NRG1: variants seen among roughly 807,000 people sequenced by gnomAD.
NRG1 encodes the protein pro-neuregulin-1, membrane-bound isoform.
Under a neutral mutation model 63.8 loss-of-function variants are expected in NRG1, and 18 were observed. The observed-to-expected ratio is 0.28, with a 90% CI of 0.19 to 0.42. NRG1 has a LOEUF of 0.42. NRG1 is among the 10% of genes least tolerant of loss of function. The pLI is 1.00. For synonymous variants in NRG1, 302 were observed against 301.3 expected (o/e 1.00, Z -0.02); for missense variants, 762 against 814.7 (o/e 0.94, Z 0.79).
chr8:31,954,806 A>G (rs1177857527), intron 1 of NRG1, among the ~76,000 whole-genome samples: 1 of 152,202 alleles, frequency 6.6e-6, no homozygotes, highest in Non-Finnish European at 1.5e-5. Context: ...GATTTCCCCT[A>G]GAGATCTGTC....
chr8:32,585,842 C>T (rs1347275900), intron 1 of NRG1, among the ~76,000 whole-genome samples: 1 of 152,088 alleles, frequency 6.6e-6, no homozygotes, highest in African/African-American at 2.4e-5. Flanking sequence ...AATATGGACC[C>T]TATTGATAGA....
chr8:31,671,592 A>G (rs902936592), intron 1 of NRG1, among the ~76,000 whole-genome samples: 1 of 152,198 alleles, frequency 6.6e-6, no homozygotes, highest in Non-Finnish European at 1.5e-5. Context: ...AAGACAGAGG[A>G]GAGGCAAACA....
chr8:31,696,563 A>T (rs557974957), intron 1 of NRG1, among the ~76,000 whole-genome samples: 1 of 152,344 alleles, frequency 6.6e-6, no homozygotes, highest in African/African-American at 2.4e-5. Context: ...GGGGAGAAAG[A>T]GGGATGGACC....
intron 5 of NRG1, among the ~76,000 whole-genome samples, chr8:32,655,920 TTGGC>T: frequency 6.6e-6 from 1 of 152,168 alleles, no homozygotes; most frequent in Admixed American, 6.6e-5. Context: ...GGGGAAGAAC[TTGGC>T]TAGAAATACC....
chr8:32,054,859 CTTTCTTTTTTTTTT>C lies in NRG1; in HGVS notation c.37+415432_37+415445del, dbSNP rs1166812073. On this transcript the variant is annotated intron_variant, in intron 1 of 10. Transcript: ENST00000519301. ...TTTCCCTTGAAAAGCAGATTTCTTT[CTTTCTTTTTTTTTT>C]TTTTTTTTTTTTTTTTTTTTTTTTT... Among the ~76,000 whole-genome samples, 137 of 70,626 alleles carry C rather than the reference CTTTCTTTTTTTTTT, an allele frequency of 1.9e-3. 7 individuals are homozygous for C. The highest frequency in any genetic ancestry group is 7.3e-3 in the African/African-American group (130 of 17,870). 46.3% of individuals were successfully genotyped at this position (70,626 alleles called of 152,430 possible).
intron 2 of NRG1, among the ~76,000 whole-genome samples, chr8:32,596,950 TG>T (rs1843469051): frequency 6.6e-6 from 1 of 152,162 alleles, no homozygotes; most frequent in Admixed American, 6.5e-5. Flanking sequence ...TGTAACATCT[TG>T]GTGGATGCAT....
intron 7 of NRG1, among the ~76,000 whole-genome samples, chr8:32,751,707 A>G (rs1185327284): frequency 6.6e-6 from 1 of 152,142 alleles, no homozygotes; most frequent in Non-Finnish European, 1.5e-5. Context: ...AGCTCATTCT[A>G]GTGCTGTTAC....
chr8:32,139,729 C>T (rs969643989), intron 1 of NRG1, among the ~76,000 whole-genome samples: 3 of 151,828 alleles, frequency 2.0e-5, no homozygotes, highest in East Asian at 1.9e-4. Flanking sequence ...CCCACGTAAC[C>T]GAAAACAACC....
chr8:32,590,466 A>G (rs1842333169), intron 1 of NRG1, among the ~76,000 whole-genome samples: 1 of 152,196 alleles, frequency 6.6e-6, no homozygotes, highest in Admixed American at 6.6e-5. Flanking sequence ...CTTAGCCTTG[A>G]GCTTGCCTTC....
intron 1 of NRG1, among the ~76,000 whole-genome samples, chr8:32,095,914 G>A (rs1829846143): frequency 6.6e-6 from 1 of 152,194 alleles, no homozygotes; most frequent in African/African-American, 2.4e-5. Context: ...AGAAGGTAAT[G>A]TGATAGAAAG....
intron 1 of NRG1, among the ~76,000 whole-genome samples, chr8:32,071,271 A>G (rs1039574665): frequency 3.3e-5 from 5 of 152,350 alleles, no homozygotes; most frequent in African/African-American, 1.2e-4. Flanking sequence ...ATCTTTGTAA[A>G]TAAATGATAT....
chr8:32,485,286 A>G (rs1337569223), intron 1 of NRG1, among the ~76,000 whole-genome samples: 1 of 152,022 alleles, frequency 6.6e-6, no homozygotes, highest in South Asian at 2.1e-4. Flanking sequence ...TTGTCTTTTC[A>G]GTAGAGATGG....
chr8:32,218,471 A>G (rs1176160832), intron 1 of NRG1, among the ~76,000 whole-genome samples: 2 of 152,178 alleles, frequency 1.3e-5, no homozygotes, highest in African/African-American at 4.8e-5. Flanking sequence ...TCTTTGCTCA[A>G]TTAAAGTCTG....
chr8:31,648,124 CTTTTTTTTT>C (rs36074483), intron 1 of NRG1, among the ~76,000 whole-genome samples: 25 of 51,308 alleles, frequency 4.9e-4, no homozygotes, highest in Admixed American at 1.5e-3. Context: ...TTTGACTACT[CTTTTTTTTT>C]TTTTTTTTTT....
chr8:32,380,823 T>C (rs1810255521), intron 1 of NRG1, among the ~76,000 whole-genome samples: 1 of 152,232 alleles, frequency 6.6e-6, no homozygotes, highest in African/African-American at 2.4e-5. Context: ...CATGTGATAA[T>C]TTAAGACATT....
chr8:31,742,970 C>T (rs1815451192), intron 1 of NRG1, among the ~76,000 whole-genome samples: 1 of 151,426 alleles, frequency 6.6e-6, no homozygotes, highest in African/African-American at 2.4e-5. Flanking sequence ...ATTTTTTTTT[C>T]AATAGCTAGC....
At chr8:32,181,076 A>G (rs186954231) in intron 1 of NRG1, among the ~76,000 whole-genome samples, 5 of 152,280 alleles carry the variant, frequency 3.3e-5, no homozygotes, top group African/African-American at 9.6e-5. Flanking sequence ...TTTGGTGCCT[A>G]CATTCAAACT....
chr8:31,975,039 T>C (rs1288183767), intron 1 of NRG1, among the ~76,000 whole-genome samples: 2 of 152,184 alleles, frequency 1.3e-5, no homozygotes, highest in African/African-American at 2.4e-5. Flanking sequence ...GTTCTGGGTC[T>C]TTACTGTGTA....
intron 1 of NRG1, among the ~76,000 whole-genome samples, chr8:32,488,850 C>A (rs982239178): frequency 6.6e-6 from 1 of 152,120 alleles, no homozygotes. Flanking sequence ...AGGCACCTGG[C>A]CCATGGCTGG....
Sources: allele counts gnomAD v4.1 joint callset (sites outside exome capture counted in the v4.1 genomes callset), GRCh38; gene constraint gnomAD v4.1.1; transcripts MANE v1.5; gene names NCBI Gene and HGNC (gene_info 2026-07-23, HGNC 2026-07-21).